The following RIC1 variants were observed in gnomAD, a reference collection of about 807,000 sequenced individuals.
RIC1 encodes the protein RIC1 partner of RAB6A GEF complex.
In RIC1, 88 loss-of-function variants were observed where a neutral mutation model predicts 169.0. The ratio of observed to expected loss-of-function variants is 0.52; its 90% CI spans 0.44 to 0.62. The LOEUF (loss-of-function observed/expected upper bound fraction) is 0.62. Ranked by LOEUF, RIC1 falls within the 20% of genes least tolerant of loss-of-function variation. RIC1 has a pLI of 0.00. For synonymous variants in RIC1, 790 were observed against 601.5 expected (o/e 1.31, Z -4.59); for missense variants, 1,877 against 1,725.5 (o/e 1.09, Z -1.56).
In RIC1 at chr9:5,748,304, A is replaced by G. The variant is rs536762569; in HGVS notation, c.1452+799A>G. Among the ~76,000 whole-genome samples, 21 of 152,150 alleles carry G rather than the reference A, an allele frequency of 1.4e-4. No individual in the cohort carries two copies. The South Asian group carries it at 3.3e-3, about 24-fold the overall frequency. ...ATTCTTTGCCTTACTTTGACTCTCT[A>G]TATGTTTACCCTACTAGCCTACTTC... On this transcript the variant is annotated intron_variant, in intron 12 of 25. Coordinates refer to ENST00000414202, the MANE Select transcript of RIC1 (RefSeq NM_020829.4).
intron 1 of RIC1, among the ~76,000 whole-genome samples, chr9:5,655,270 T>G (rs1261108715): frequency 1.3e-5 from 2 of 152,120 alleles, no homozygotes; most frequent in Non-Finnish European, 2.9e-5. Flanking sequence ...TGAATGAGTG[T>G]TGTTCTGTAG....
At chr9:5,721,368 A>C (rs1433239577) in intron 6 of RIC1, among the ~76,000 whole-genome samples, 1 of 152,186 alleles carries the variant, frequency 6.6e-6, no homozygotes, top group Non-Finnish European at 1.5e-5. Context: ...TATTAAAAGC[A>C]AGCTCTCAGC....
intron 2 of RIC1, among the ~76,000 whole-genome samples, 182 bp from the exon 3 acceptor site, chr9:5,689,756 ATTTTGAAATCTGTAAAAACCC>A (rs937484304): frequency 6.6e-6 from 1 of 152,204 alleles, no homozygotes; most frequent in Non-Finnish European, 1.5e-5. Context: ...TCACTGAAAG[ATTTTGAAATCTGTAAAAACCC>A]TTTTTTTCAA....
intron 2 of RIC1, among the ~76,000 whole-genome samples, chr9:5,661,572 A>G (rs1417327841): frequency 6.6e-6 from 1 of 152,266 alleles, no homozygotes. Context: ...CTGTATTGCT[A>G]GGTATTTTAT....
intron 25 of RIC1, 49 bp from the exon 26 acceptor site, chr9:5,773,909 A>G (rs1827414335): frequency 1.3e-6 from 2 of 1,492,306 alleles, no homozygotes; most frequent in African/African-American, 1.4e-5. Context: ...TGTTCTACCA[A>G]ACCTTTTGAA....
intron 1 of RIC1, among the ~76,000 whole-genome samples, chr9:5,649,151 T>C (rs941228074): frequency 1.3e-5 from 2 of 151,562 alleles, no homozygotes; most frequent in African/African-American, 4.9e-5. Flanking sequence ...AAAAAAAAAA[T>C]TAAACTCAAA....
intron 2 of RIC1, among the ~76,000 whole-genome samples, chr9:5,688,959 G>T (rs951916301): frequency 2.4e-4 from 36 of 151,376 alleles, no homozygotes; most frequent in Non-Finnish European, 4.6e-4. Context: ...AATGTAAAAT[G>T]GTTGTTTGAA....
chr9:5,753,595 A>G lies in RIC1; in HGVS notation c.1551A>G (p.Ala517=). 6.2e-7 allele frequency: 1 copy of G among 1,612,230 alleles called. No homozygotes were observed. The highest frequency in any genetic ancestry group is 8.5e-7 in the Non-Finnish European group (1 of 1,179,174). The change falls in exon 14 of 26, where the codon GCA becomes GCG. Residue 517 remains alanine, a synonymous_variant. Transcript: ENST00000414202. ...CTGTGGTTGGCAAGTTTGGTTTTGC[A>G]CATTACTCTTTACTCACCAAAAAAT... ...NIAVVGKFGF[A]HYSLLTKKWK...
In RIC1 at chr9:5,763,401, G is replaced by C. The variant is rs1448570011; in HGVS notation, c.2374G>C (p.Val792Leu). 1.2e-6 allele frequency: 2 copies of C among 1,614,040 alleles called. No individual in the cohort carries two copies. The highest frequency in any genetic ancestry group is 1.7e-5 in the Admixed American group (1 of 59,992). Residue 792 changes from valine to leucine, a missense_variant, in exon 19 of 26, where the codon GTC becomes CTC. By Grantham distance (32) the Val-to-Leu change is conservative. Transcript: ENST00000414202. This position sits in a 1 kb window ranked among gnomAD's most constrained non-coding sequence, Gnocchi z 5.2. ...TGAAGATGCTTTAGTCCTTGGTGCT[G>C]TCAATGACACTTTGCTCTATGATTC... ...LFEDALVLGAVNDTLLYDSLY... is the reference protein window; with the variant it reads ...LFEDALVLGALNDTLLYDSLY...
chr9:5,675,405 A>G (rs932421122), intron 2 of RIC1, among the ~76,000 whole-genome samples: 2 of 152,198 alleles, frequency 1.3e-5, no homozygotes, highest in African/African-American at 4.8e-5. Context: ...GAACTTACTG[A>G]CATATCGATT....
At chr9:5,631,973 G>C (rs1401436984) in intron 1 of RIC1, among the ~76,000 whole-genome samples, 1 of 152,164 alleles carries the variant, frequency 6.6e-6, no homozygotes, top group Non-Finnish European at 1.5e-5. Flanking sequence ...GAGTGAATTG[G>C]TTTAAAAAGT....
chr9:5,685,405 A>AC (rs1196857765), intron 2 of RIC1, among the ~76,000 whole-genome samples: 1 of 151,734 alleles, frequency 6.6e-6, no homozygotes, highest in South Asian at 2.1e-4. Flanking sequence ...CCAAAACAGC[A>AC]TGGTACTGGT....
chr9:5,749,708 C>A (rs1405968191), intron 12 of RIC1, among the ~76,000 whole-genome samples: 2 of 122,680 alleles, frequency 1.6e-5, no homozygotes. Flanking sequence ...TTAACTAAAA[C>A]AAAACAAATA....
At chr9:5,653,669 C>G (rs886982444) in intron 1 of RIC1, among the ~76,000 whole-genome samples, 2 of 151,972 alleles carry the variant, frequency 1.3e-5, no homozygotes, top group African/African-American at 4.8e-5. Context: ...GCAGTCTTGG[C>G]TCACTGCAGC....
At chr9:5,640,190 C>G (rs993870603) in intron 1 of RIC1, among the ~76,000 whole-genome samples, 3 of 152,068 alleles carry the variant, frequency 2.0e-5, no homozygotes, top group African/African-American at 7.2e-5. Flanking sequence ...TTCTCTGGTG[C>G]TATGATTTAA....
rs1460194307 is a variant in RIC1 at position 5,753,186 on chromosome 9, G to T, written c.1453-14G>T. On this transcript the variant is annotated splice_polypyrimidine_tract_variant and intron_variant, in intron 12 of 25. Transcript: ENST00000414202. ...TTCATAAGTTTTACCAATCTGATGT[G>T]TTATTTTCTATAGATTTCCAGCACC... 6.8e-6 allele frequency: 11 copies of T among 1,606,136 alleles called. No individual in the cohort carries two copies. In the Admixed American group the frequency reaches 1.8e-4, roughly 27 times the overall value.
intron 2 of RIC1, among the ~76,000 whole-genome samples, chr9:5,683,621 G>C (rs187777597): frequency 5.3e-5 from 8 of 152,174 alleles, no homozygotes; most frequent in African/African-American, 1.2e-4. Flanking sequence ...GCAGTCTGCC[G>C]GTTCTCAGAT....
chr9:5,723,517 A>T (rs1335396229), intron 6 of RIC1, among the ~76,000 whole-genome samples: 1 of 151,942 alleles, frequency 6.6e-6, no homozygotes, highest in Non-Finnish European at 1.5e-5. Context: ...TTGCCTGTTC[A>T]CTCTGATGGT....
intron 23 of RIC1, among the ~76,000 whole-genome samples, chr9:5,772,117 CTCTTTT>C (rs1346327952): frequency 2.6e-5 from 4 of 152,176 alleles, no homozygotes; most frequent in African/African-American, 9.7e-5. Flanking sequence ...GTTCTTAATT[CTCTTTT>C]TAAGTGGATG....
Sources: allele counts gnomAD v4.1 joint callset (sites outside exome capture counted in the v4.1 genomes callset), GRCh38; gene constraint gnomAD v4.1.1; non-coding constraint Gnocchi (gnomAD v3.1); transcripts MANE v1.5; gene names NCBI Gene and HGNC (gene_info 2026-07-23, HGNC 2026-07-21).